Variants in SLC22A15 observed in about 807,000 individuals in gnomAD.
The protein encoded by SLC22A15 is flipt 1.
In SLC22A15, 45 loss-of-function variants were observed where a neutral mutation model predicts 62.7. That is an observed-to-expected ratio of 0.72 (90% CI 0.56 to 0.92). The LOEUF (loss-of-function observed/expected upper bound fraction) is 0.92, where lower values mean the gene tolerates loss of function less well. Among genes scored for constraint, SLC22A15 ranks in the 40% least tolerant of loss-of-function variants. The probability of loss-of-function intolerance (pLI) is 0.00; values close to 1 mark genes in which losing one functional copy is unlikely to be tolerated. For missense variants in SLC22A15, 622 were observed against 665.6 expected (o/e 0.93, Z 0.72); for synonymous variants, 264 against 267.0 (o/e 0.99, Z 0.11).
intron 4 of SLC22A15, among the ~76,000 whole-genome samples, chr1:116,022,739 A>C (rs1656902108): frequency 6.6e-6 from 1 of 152,180 alleles, no homozygotes; most frequent in Non-Finnish European, 1.5e-5. Context: ...TGAGACTATC[A>C]AAATTTCTGT....
chr1:116,066,763 AAAG>A lies in SLC22A15; in HGVS notation c.1554+59_1554+61del, dbSNP rs1165354064. 3.5e-5 allele frequency: 52 copies of A among 1,498,556 alleles called. 1 individual carries two copies. In the South Asian group the frequency reaches 5.8e-4, roughly 17 times the overall value. 92.8% of individuals were successfully genotyped at this position (1,498,556 alleles called of 1,614,324 possible). ...CTTGGATAGTGGCAGTTAATGAAAA[AAAG>A]AAGGTTTGCGTTAAATTAAATAGAA... On this transcript the variant is annotated intron_variant, in intron 11 of 11. Coordinates refer to ENST00000369503, the MANE Select transcript of SLC22A15 (RefSeq NM_018420.3).
chr1:116,066,983 A>G (rs1331336442), intron 11 of SLC22A15, 36 bp from the exon 12 acceptor site: 3 of 1,511,856 alleles, frequency 2.0e-6, no homozygotes, highest in Non-Finnish European at 2.7e-6. Context: ...ATGTCATAAC[A>G]TCATTTCACT....
At chr1:115,993,258 C>T (rs757731620) in intron 2 of SLC22A15, among the ~76,000 whole-genome samples, 13 of 152,222 alleles carry the variant, frequency 8.5e-5, no homozygotes, top group African/African-American at 1.9e-4. Flanking sequence ...ACACCCTGGC[C>T]CCATCCTTGG....
intron 6 of SLC22A15, 34 bp downstream of exon 6, chr1:116,031,615 A>C (rs913380909): frequency 1.9e-6 from 3 of 1,607,582 alleles, no homozygotes; most frequent in Admixed American, 1.7e-5. Flanking sequence ...GTTGCTCTTT[A>C]ACTAAGGTTG....
chr1:116,034,474 C>A (rs1657558519), intron 6 of SLC22A15, among the ~76,000 whole-genome samples: 1 of 152,102 alleles, frequency 6.6e-6, no homozygotes, highest in African/African-American at 2.4e-5. Flanking sequence ...AAGAGGAGCT[C>A]CCTGTTTGTT....
chr1:116,033,555 CTCTGTG>C (rs1266796373), intron 6 of SLC22A15, among the ~76,000 whole-genome samples: 3 of 95,178 alleles, frequency 3.2e-5, no homozygotes, highest in Admixed American at 1.0e-4. Context: ...ATAGGGGTGT[CTCTGTG>C]TGTGTGTGTG....
intron 10 of SLC22A15, among the ~76,000 whole-genome samples, chr1:116,065,177 C>A (rs1658467460): frequency 6.6e-6 from 1 of 152,258 alleles, no homozygotes; most frequent in East Asian, 1.9e-4. Context: ...ACAGCCAAGA[C>A]TTTTTGAAAG....
intron 2 of SLC22A15, among the ~76,000 whole-genome samples, chr1:116,002,032 T>C (rs1399368843): frequency 6.6e-6 from 1 of 152,228 alleles, no homozygotes; most frequent in Non-Finnish European, 1.5e-5. Context: ...AAGTTTTTGG[T>C]CACTGCAGCC....
intron 2 of SLC22A15, among the ~76,000 whole-genome samples, chr1:115,992,960 C>A (rs959952075): frequency 6.6e-6 from 1 of 151,954 alleles, no homozygotes; most frequent in African/African-American, 2.4e-5. Flanking sequence ...TGTGTGTAGA[C>A]CATATGGGGC....
At chr1:116,066,937 C>T (rs1233696048) in intron 11 of SLC22A15, 82 bp from the exon 12 acceptor site, 2 of 1,122,362 alleles carry the variant, frequency 1.8e-6, no homozygotes, top group Admixed American at 2.0e-5. Context: ...ATACATTTGT[C>T]AGTTGAATAG....
intron 7 of SLC22A15, 125 bp from the exon 8 acceptor site, chr1:116,037,178 C>G (rs1265901931): frequency 2.6e-6 from 2 of 775,042 alleles, no homozygotes; most frequent in South Asian, 1.8e-5. Flanking sequence ...ACATTTGCCA[C>G]TTAGCCTTAA....
chr1:116,032,049 C>T (rs1343094109), intron 6 of SLC22A15: 6 of 985,400 alleles, frequency 6.1e-6, no homozygotes, highest in Non-Finnish European at 4.8e-6. Flanking sequence ...CACTCACTAA[C>T]TCACTGAGGT....
Position 116,031,347 on chromosome 1 carries a change from T to C in SLC22A15, c.729-19T>C. 3 of 1,594,960 alleles carry C rather than the reference T, an allele frequency of 1.9e-6. No homozygotes were observed. In the South Asian group the frequency reaches 3.3e-5, roughly 18 times the overall value. On this transcript the variant is annotated intron_variant, in intron 5 of 11. Transcript: ENST00000369503. ...GTGTACCTATATGAATATACAGGCT[T>C]TAATGACATCTCTTTCAGATTCATT...
At chr1:115,980,973 TGTG>T (rs1269826026) in intron 1 of SLC22A15, among the ~76,000 whole-genome samples, 1 of 152,206 alleles carries the variant, frequency 6.6e-6, no homozygotes. Flanking sequence ...GGCTGTGAAT[TGTG>T]GTCCTTTAAA....
At chr1:116,066,430 T>G in intron 10 of SLC22A15, 90 bp from the exon 11 acceptor site, 1 of 1,220,852 alleles carries the variant, frequency 8.2e-7, no homozygotes, top group Non-Finnish European at 1.1e-6. Flanking sequence ...GTGGTAAACA[T>G]GACAGTTTTT....
intron 1 of SLC22A15, among the ~76,000 whole-genome samples, chr1:115,991,677 T>C (rs1361368500): frequency 6.6e-6 from 1 of 152,220 alleles, no homozygotes; most frequent in Non-Finnish European, 1.5e-5. Context: ...AGCTGGAATG[T>C]TACTCTTTTA....
intron 2 of SLC22A15, among the ~76,000 whole-genome samples, chr1:116,010,459 T>C (rs1445941514): frequency 6.6e-6 from 1 of 152,202 alleles, no homozygotes; most frequent in Non-Finnish European, 1.5e-5. Flanking sequence ...CTGACTGTTA[T>C]AGCCTGCAGA....
chr1:116,050,025 C>T (rs1225732167), intron 8 of SLC22A15, among the ~76,000 whole-genome samples: 1 of 152,074 alleles, frequency 6.6e-6, no homozygotes, highest in East Asian at 1.9e-4. Flanking sequence ...TGGAAAAATA[C>T]AACCCTCCTA....
rs1654447495 is a variant in SLC22A15, at chr1:115,978,714, G to A, written c.87+2000G>A. 3.3e-5 allele frequency among the ~76,000 whole-genome samples: 5 copies of A among 152,318 alleles called. No individual in the cohort carries two copies. The South Asian group carries it at 1.0e-3, about 32-fold the overall frequency. On this transcript the variant is annotated intron_variant, in intron 1 of 11. Transcript: ENST00000369503. ...ATATCCCCAAAGACCTCTCTACCAAGTCTGTTGTTGGAGATGTTTTGTATT... is the reference window on the plus strand; with the variant it reads ...ATATCCCCAAAGACCTCTCTACCAAATCTGTTGTTGGAGATGTTTTGTATT...
Sources: allele counts gnomAD v4.1 joint callset (sites outside exome capture counted in the v4.1 genomes callset), GRCh38; gene constraint gnomAD v4.1.1; transcripts MANE v1.5; gene names NCBI Gene and HGNC (gene_info 2026-07-23, HGNC 2026-07-21).